CD86: variants seen among roughly 807,000 people sequenced by gnomAD.
The protein encoded by CD86 is T-lymphocyte activation antigen CD86.
CD86 carries 11 observed loss-of-function variants against 32.1 expected under a neutral mutation model. The ratio of observed to expected loss-of-function variants is 0.34; its 90% confidence interval spans 0.22 to 0.57. CD86 has a LOEUF of 0.57. Among genes scored for constraint, CD86 ranks in the 20% least tolerant of loss-of-function variants. CD86 has a pLI of 0.86. For synonymous variants in CD86, 137 were observed against 135.3 expected (o/e 1.01, Z -0.09); for missense variants, 359 against 398.4 (o/e 0.90, Z 0.84).
chr3:122,064,360 A>C (rs2072383622), intron 1 of CD86, among the ~76,000 whole-genome samples: 1 of 152,208 alleles, frequency 6.6e-6, no homozygotes. Flanking sequence ...AAATTGCCAG[A>C]TCTTCAGTAC....
At chr3:122,112,424 C>G (rs2073188842) in intron 5 of CD86, among the ~76,000 whole-genome samples, 1 of 152,064 alleles carries the variant, frequency 6.6e-6, no homozygotes, top group Non-Finnish European at 1.5e-5. Flanking sequence ...TCAAGCGATT[C>G]TCCTGCCTCA....
chr3:122,095,064 T>A (rs2072884811), intron 2 of CD86, among the ~76,000 whole-genome samples: 1 of 152,190 alleles, frequency 6.6e-6, no homozygotes, highest in African/African-American at 2.4e-5. Flanking sequence ...GCTCTCTTTT[T>A]GTCTGAGGGT....
At chr3:122,064,845 C>T (rs1433979854) in intron 1 of CD86, among the ~76,000 whole-genome samples, 1 of 151,806 alleles carries the variant, frequency 6.6e-6, no homozygotes, top group Non-Finnish European at 1.5e-5. Context: ...TGAGTCAGAG[C>T]GAGAAAGTAG....
At chr3:122,062,934 C>T (rs756316315) in intron 1 of CD86, among the ~76,000 whole-genome samples, 70 of 152,254 alleles carry the variant, frequency 4.6e-4, no homozygotes, top group Non-Finnish European at 9.0e-4. Flanking sequence ...AGCAGATGGA[C>T]TCTTACCTAT....
At chr3:122,056,481 C>T (rs909414309) in intron 1 of CD86, among the ~76,000 whole-genome samples, 1 of 152,072 alleles carries the variant, frequency 6.6e-6, no homozygotes, top group Admixed American at 6.5e-5. Context: ...ACTACAGGCG[C>T]CCACCACCAC....
Position 122,055,502 on chromosome 3 carries a change from T to G in CD86, c.13T>G (p.Cys5Gly), listed in dbSNP as rs373812101. 32 of 1,613,784 alleles carry G rather than the reference T, an allele frequency of 2.0e-5. No individual in the cohort carries two copies. Among genetic ancestry groups the G allele is most frequent in the Non-Finnish European group, 2.7e-5 (32 of 1,179,816 alleles). The change falls in exon 1 of 7, where the codon TGC (cysteine) becomes GGC (glycine). Residue 5 changes from cysteine (C) to glycine (G), a missense_variant and splice_region_variant. By Grantham distance (159) the Cys-to-Gly change is radical (BLOSUM62 -3). Coordinates refer to ENST00000330540, the MANE Select transcript of CD86 (RefSeq NM_175862.5). The stretch of plus-strand genomic sequence containing the variant: ...AGAAGCAGCCAAAATGGATCCCCAG[T>G]GGTGAGTAATAATTCTTATTCTTTG... MDPQCTMGLSNILFV... is the reference protein window; with the variant it reads MDPQGTMGLSNILFV...
chr3:122,112,158 G>T (rs149425431), intron 5 of CD86, among the ~76,000 whole-genome samples: 2 of 152,154 alleles, frequency 1.3e-5, no homozygotes, highest in African/African-American at 4.8e-5. Flanking sequence ...TTCCTCATTT[G>T]GGTCTTGTGT....
In CD86 at chr3:122,103,538, T is replaced by A. The variant is rs2073043015; in HGVS notation, c.91T>A (p.Tyr31Asn). Residue 31 changes from tyrosine (Y) to asparagine (N), a missense_variant, in exon 3 of 7, where the codon TAT becomes AAT. Coordinates refer to ENST00000330540, the MANE Select transcript of CD86 (RefSeq NM_175862.5). ...SGAAPLKIQA[Y>N]FNETADLPCQ... is the part of the protein sequence containing the mutation. ...TGCTGCTCCTCTGAAGATTCAAGCT[T>A]ATTTCAATGAGACTGCAGACCTGCC... is the stretch of plus-strand genomic sequence containing the variant. 1 of 1,613,020 alleles carries A rather than the reference T, an allele frequency of 6.2e-7. No individual in the cohort carries two copies. The highest frequency in any genetic ancestry group is 8.5e-7 in the Non-Finnish European group (1 of 1,179,450).
chr3:122,108,206 C>T (rs924898023), intron 4 of CD86, among the ~76,000 whole-genome samples: 1 of 152,190 alleles, frequency 6.6e-6, no homozygotes, highest in Non-Finnish European at 1.5e-5. Context: ...CTCTAGCTGC[C>T]TCAGGAAGAT....
chr3:122,056,466 C>G (rs2107492024), intron 1 of CD86, among the ~76,000 whole-genome samples: 1 of 152,278 alleles, frequency 6.6e-6, no homozygotes, highest in African/African-American at 2.4e-5. Flanking sequence ...TCCTGAGTAG[C>G]TGGGACTACA....
intron 3 of CD86, among the ~76,000 whole-genome samples, chr3:122,104,565 G>A (rs531530075): frequency 3.0e-4 from 45 of 152,030 alleles, no homozygotes; most frequent in Admixed American, 3.0e-3. Context: ...AGGACATAGA[G>A]CATTTCTATC....
At position 122,089,563 on chromosome 3, in the gene CD86, A is replaced by C. The variant is rs533183768; in HGVS notation, c.15-2038A>C. On this transcript the variant is annotated intron_variant, in intron 1 of 6. Coordinates refer to ENST00000330540, the MANE Select transcript of CD86 (RefSeq NM_175862.5). ...CCATTTCCTATTGCTAAAGATCACAAATTAGAAAACATGTTGGCAAAAGGT... is the reference window on the plus strand; with the variant it reads ...CCATTTCCTATTGCTAAAGATCACACATTAGAAAACATGTTGGCAAAAGGT... Among the ~76,000 whole-genome samples the C allele has an allele frequency of 2.0e-5, 3 of 152,332 alleles. No individual in the cohort carries two copies. In the East Asian group the frequency reaches 5.8e-4, roughly 29 times the overall value.
intron 4 of CD86, among the ~76,000 whole-genome samples, chr3:122,108,373 G>A (rs528892114): frequency 1.3e-5 from 2 of 152,318 alleles, no homozygotes; most frequent in East Asian, 3.9e-4. Flanking sequence ...ACTGGCTCAA[G>A]TGGAATAGAC....
chr3:122,108,708 T>C, intron 4 of CD86, among the ~76,000 whole-genome samples: 1 of 152,266 alleles, frequency 6.6e-6, no homozygotes, highest in Middle Eastern at 3.4e-3. Flanking sequence ...TGAGATATGC[T>C]GAAAGCCATG....
At chr3:122,067,856 T>A (rs1049087002) in intron 1 of CD86, among the ~76,000 whole-genome samples, 5 of 152,210 alleles carry the variant, frequency 3.3e-5, no homozygotes, top group Non-Finnish European at 7.3e-5. Flanking sequence ...GCCTCTTGTG[T>A]GGTGGCAGAC....
At chr3:122,115,057 G>C (rs536797632) in intron 5 of CD86, among the ~76,000 whole-genome samples, 1 of 152,282 alleles carries the variant, frequency 6.6e-6, no homozygotes, top group Non-Finnish European at 1.5e-5. Context: ...AAGACATACA[G>C]ATTGGAAAGG....
rs1343844953 is a variant in CD86, at chr3:122,120,632, T to C, written c.*1098T>C. On this transcript the variant is annotated 3_prime_UTR_variant, in exon 7 of 7. Transcript: ENST00000330540. Reference sequence around the variant, plus strand: ...GGAGGGAGAGCCATCACCTTGATAATGGGATGAATGGAAGGAGGCTTAGGA... The same window carrying C: ...GGAGGGAGAGCCATCACCTTGATAACGGGATGAATGGAAGGAGGCTTAGGA... 1 of 152,156 alleles carries C rather than the reference T, an allele frequency of 6.6e-6. No individual in the cohort carries two copies. Among genetic ancestry groups the C allele is most frequent in the African/African-American group, 2.4e-5 (1 of 41,406 alleles). The allele number at this position is 152,156 out of a possible 1,614,324, so 9.4% of individuals were successfully genotyped here.
intron 5 of CD86, among the ~76,000 whole-genome samples, chr3:122,113,431 C>G (rs187562332): frequency 1.3e-5 from 2 of 152,314 alleles, no homozygotes; most frequent in Admixed American, 1.3e-4. Flanking sequence ...AATCTCCATA[C>G]TGTTTTCCAT....
At chr3:122,061,651 C>T (rs1559895743) in intron 1 of CD86, among the ~76,000 whole-genome samples, 1 of 152,136 alleles carries the variant, frequency 6.6e-6, no homozygotes, top group Non-Finnish European at 1.5e-5. Flanking sequence ...CCACTACCTA[C>T]CTATAAAAAT....
Sources: allele counts gnomAD v4.1 joint callset (sites outside exome capture counted in the v4.1 genomes callset), GRCh38; gene constraint gnomAD v4.1.1; transcripts MANE v1.5; gene names NCBI Gene and HGNC (gene_info 2026-07-23, HGNC 2026-07-21).